CWC22: variants seen among roughly 807,000 people sequenced by gnomAD.
CWC22 encodes the protein CWC22 spliceosome associated protein, also known as pre-mRNA-splicing factor CWC22 homolog.
In CWC22, 53 loss-of-function variants were observed where a neutral mutation model predicts 117.2. The ratio of observed to expected loss-of-function variants is 0.45; its 90% CI spans 0.36 to 0.57. The LOEUF is 0.57. Among genes scored for constraint, CWC22 ranks in the 20% least tolerant of loss-of-function variants. The pLI is 0.00. For missense variants in CWC22, 980 were observed against 1,068.8 expected (o/e 0.92, Z 1.16); for synonymous variants, 360 against 355.6 (o/e 1.01, Z -0.14).
chr2:179,948,844 T>C (rs182501207), intron 19 of CWC22, among the ~76,000 whole-genome samples: 1 of 152,232 alleles, frequency 6.6e-6, no homozygotes, highest in East Asian at 1.9e-4. Flanking sequence ...AAAACGACAT[T>C]AGTGGTAAAA....
chr2:179,957,439 T>C (rs557276412), intron 14 of CWC22, among the ~76,000 whole-genome samples: 12 of 152,332 alleles, frequency 7.9e-5, no homozygotes, highest in African/African-American at 2.9e-4. Flanking sequence ...AGAGTCCATA[T>C]GATCTCTGTC....
intron 1 of CWC22, among the ~76,000 whole-genome samples, chr2:179,999,713 G>A (rs1307366171): frequency 6.6e-6 from 1 of 152,108 alleles, no homozygotes; most frequent in South Asian, 2.1e-4. Flanking sequence ...AAGGAAAGGG[G>A]AATCAATAGT....
In CWC22 at chr2:179,945,719, C is replaced by A. The variant is rs755926857; in HGVS notation, c.2141-4G>T. 2.7e-6 allele frequency: 4 copies of A among 1,508,530 alleles called. No individual in the cohort carries two copies. Among genetic ancestry groups the A allele is most frequent in the African/African-American group, 2.8e-5 (2 of 71,244 alleles). 93.4% of individuals were successfully genotyped at this position (1,508,530 alleles called of 1,614,324 possible). On this transcript the variant is annotated splice_region_variant and splice_polypyrimidine_tract_variant and intron_variant, in intron 19 of 19. Transcript: ENST00000410053. ...CCCTTCTTTCTTACATCATTAGCTG[C>A]GTGTGTAAAATAAAAGACAGTTAGC...
chr2:179,998,065 C>T (rs540371172), intron 1 of CWC22, among the ~76,000 whole-genome samples: 1 of 152,286 alleles, frequency 6.6e-6, no homozygotes, highest in South Asian at 2.1e-4. Flanking sequence ...GAAACCCATG[C>T]ATACTTGTTT....
intron 1 of CWC22, among the ~76,000 whole-genome samples, chr2:180,004,066 C>T (rs1422019689): frequency 1.3e-5 from 2 of 152,042 alleles, no homozygotes; most frequent in Non-Finnish European, 2.9e-5. Context: ...CTCAGATAAA[C>T]AGAAAAGTAG....
chr2:179,996,889 G>A (rs1276158860), intron 1 of CWC22, among the ~76,000 whole-genome samples: 1 of 144,642 alleles, frequency 6.9e-6, no homozygotes, highest in Non-Finnish European at 1.5e-5. Flanking sequence ...AAGACAAAAT[G>A]AAGACATTTA....
chr2:179,959,419 G>T (rs1254292462), intron 13 of CWC22, among the ~76,000 whole-genome samples: 3 of 152,110 alleles, frequency 2.0e-5, no homozygotes, highest in African/African-American at 7.2e-5. Flanking sequence ...TAGGCTCAGG[G>T]TTTAGTTTAG....
chr2:179,952,133 A>G (rs1038218576), intron 17 of CWC22, among the ~76,000 whole-genome samples: 14 of 152,286 alleles, frequency 9.2e-5, no homozygotes, highest in East Asian at 7.7e-4. Flanking sequence ...CTGTCCACTG[A>G]TAATATTAGT....
chr2:179,997,391 AAC>A (rs1687732923), intron 1 of CWC22, among the ~76,000 whole-genome samples: 1 of 152,160 alleles, frequency 6.6e-6, no homozygotes, highest in Admixed American at 6.5e-5. Flanking sequence ...AAATATTTAA[AAC>A]AGAGGCTACC....
At chr2:179,975,642 T>G (rs920149366) in intron 6 of CWC22, among the ~76,000 whole-genome samples, 2 of 152,142 alleles carry the variant, frequency 1.3e-5, no homozygotes, top group Middle Eastern at 6.8e-3. Context: ...CAATGAACTA[T>G]CTTTCTGAAA....
chr2:179,945,683 T>C lies in CWC22; in HGVS notation c.2173A>G (p.Thr725Ala), dbSNP rs373354379. 4.7e-5 allele frequency: 75 copies of C among 1,603,088 alleles called. No homozygotes were observed. In the African/African-American group the frequency reaches 7.9e-4, roughly 17 times the overall value. Residue 725 changes from threonine to alanine, a missense_variant, in exon 20 of 20, where the codon ACC becomes GCC. By Grantham distance (58) the Thr-to-Ala change is moderately conservative (BLOSUM62 0). Coordinates refer to ENST00000410053, the MANE Select transcript of CWC22 (RefSeq NM_020943.3). ...NDVRKKGHGK[T>A]RSKEVDKLIR... ...AATTTATCTACCTCTTTACTTCTGG[T>C]CTTCCCATGTCCCTTCTTTCTTACA... is the stretch of plus-strand genomic sequence containing the variant.
chr2:179,979,357 C>T (rs1440819920), intron 5 of CWC22, among the ~76,000 whole-genome samples: 1 of 152,088 alleles, frequency 6.6e-6, no homozygotes, highest in Non-Finnish European at 1.5e-5. Context: ...TCATGAAATA[C>T]CTGTAACAGA....
rs544571368 is a variant in CWC22, at chr2:179,988,754, A to G, written c.28-110T>C. On this transcript the variant is annotated intron_variant, in intron 2 of 19. Coordinates refer to ENST00000410053, the MANE Select transcript of CWC22 (RefSeq NM_020943.3). ...AGTACTTTAGAAATTGTATCAAAAC[A>G]TTTTTTAAATCATTAAGAATAATTC... The G allele has an allele frequency of 1.2e-4, 71 of 571,504 alleles. 2 individuals are homozygous for G. In the South Asian group the frequency reaches 2.0e-3, roughly 16 times the overall value. The allele number at this position is 571,504 out of a possible 1,614,324, so 35.4% of individuals were successfully genotyped here. A position where few individuals can be genotyped will look rare whatever the true frequency, so the allele number is the denominator to read the frequency against.
chr2:180,004,132 C>G (rs538593576), intron 1 of CWC22, among the ~76,000 whole-genome samples: 1 of 152,266 alleles, frequency 6.6e-6, no homozygotes, highest in South Asian at 2.1e-4. Flanking sequence ...AATGTATTAC[C>G]AATAGCCACT....
intron 1 of CWC22, among the ~76,000 whole-genome samples, chr2:179,999,597 T>A (rs1255710580): frequency 6.6e-6 from 1 of 152,196 alleles, no homozygotes; most frequent in Non-Finnish European, 1.5e-5. Flanking sequence ...TGAAATGCAC[T>A]GCTTTCCAGA....
intron 6 of CWC22, among the ~76,000 whole-genome samples, chr2:179,975,833 A>C (rs1687140022): frequency 6.6e-6 from 1 of 152,208 alleles, no homozygotes; most frequent in African/African-American, 2.4e-5. Context: ...ACAGTACCCA[A>C]AGCAACATAC....
chr2:179,971,035 C>A lies in CWC22; in HGVS notation c.846G>T (p.Leu282=), dbSNP rs1326877756. Reference sequence around the variant, plus strand: ...CAACGCTATCATCTGTTGGTCTTTCCAGGAGCAAAGTGAGCATCTCTAAGC... The same window carrying A: ...CAACGCTATCATCTGTTGGTCTTTCAAGGAGCAAAGTGAGCATCTCTAAGC... ...VLCLEMLTLL[L]ERPTDDSVEV... The change falls in exon 9 of 20, where the codon CTG becomes CTT. Residue 282 remains leucine, a synonymous_variant. Transcript: ENST00000410053. 2 of 1,608,166 alleles carry A rather than the reference C, an allele frequency of 1.2e-6. No individual in the cohort carries two copies. Among genetic ancestry groups the A allele is most frequent in the Non-Finnish European group, 1.7e-6 (2 of 1,176,344 alleles).
At chr2:179,955,940 T>G (rs1385171478) in intron 14 of CWC22, among the ~76,000 whole-genome samples, 2 of 152,022 alleles carry the variant, frequency 1.3e-5, no homozygotes, top group Non-Finnish European at 2.9e-5. Context: ...CAGTGTAATC[T>G]TTTCTATAAA....
intron 1 of CWC22, among the ~76,000 whole-genome samples, chr2:180,003,464 T>A (rs772690222): frequency 1.5e-4 from 23 of 152,208 alleles, no homozygotes; most frequent in Admixed American, 7.9e-4. Context: ...GAACACATTC[T>A]GCCAATTTTC....
Sources: allele counts gnomAD v4.1 joint callset (sites outside exome capture counted in the v4.1 genomes callset), GRCh38; gene constraint gnomAD v4.1.1; transcripts MANE v1.5; gene names NCBI Gene and HGNC (gene_info 2026-07-23, HGNC 2026-07-21).